Variants in ADAM12 observed in about 807,000 individuals in gnomAD.
ADAM12 encodes the protein ADAM metallopeptidase domain 12, also known as disintegrin and metalloproteinase domain-containing protein 12.
ADAM12 carries 70 observed loss-of-function variants against 106.4 expected under a neutral mutation model. That is an observed-to-expected ratio of 0.66 (90% CI 0.54 to 0.80). The LOEUF (loss-of-function observed/expected upper bound fraction) is 0.80, where lower values mean the gene tolerates loss of function less well. Among genes scored for constraint, ADAM12 ranks in the 30% least tolerant of loss-of-function variants. ADAM12 has a pLI of 0.00. For missense variants in ADAM12, 1,010 were observed against 1,171.9 expected, an observed-to-expected ratio of 0.86 and a Z score of 2.02; for synonymous variants, 420 against 433.5, an observed-to-expected ratio of 0.97 and a Z score of 0.39.
chr10:126,161,907 A>G (rs1436138500), intron 3 of ADAM12, among the ~76,000 whole-genome samples: 3 of 152,150 alleles, frequency 2.0e-5, no homozygotes, highest in Non-Finnish European at 4.4e-5. Flanking sequence ...ATTTCATGAG[A>G]ACATTCTTTT....
intron 18 of ADAM12, chr10:126,041,416 T>C (rs1237126160): frequency 1.0e-6 from 1 of 985,624 alleles, no homozygotes; most frequent in Non-Finnish European, 1.2e-6. Flanking sequence ...TTGTTTTCAC[T>C]TTTTAACATT....
chr10:126,240,641 G>A (rs190996641), intron 3 of ADAM12, among the ~76,000 whole-genome samples: 82 of 152,356 alleles, frequency 5.4e-4, no homozygotes, highest in African/African-American at 1.8e-3. Flanking sequence ...GCTGGAGCTG[G>A]AGGCAGAGAC....
At chr10:126,112,569 A>G (rs1955890966) in intron 6 of ADAM12, among the ~76,000 whole-genome samples, 1 of 152,110 alleles carries the variant, frequency 6.6e-6, no homozygotes, top group African/African-American at 2.4e-5. Flanking sequence ...AAGTCATCAC[A>G]GCCAAGTTCC....
chr10:126,247,392 G>T (rs565888868), intron 3 of ADAM12, among the ~76,000 whole-genome samples: 2 of 152,264 alleles, frequency 1.3e-5, no homozygotes, highest in Non-Finnish European at 1.5e-5. Flanking sequence ...AACCAGCAAC[G>T]AGGCAAACTT....
At position 126,143,396 on chromosome 10, in the gene ADAM12, G is replaced by A. The variant is rs1007363072; in HGVS notation, c.340-7736C>T. 2.2e-5 allele frequency among the ~76,000 whole-genome samples: 3 copies of A among 139,100 alleles called. No individual in the cohort carries two copies. The Admixed American group carries it at 2.2e-4, about 10-fold the overall frequency. 91.3% of individuals were successfully genotyped at this position (139,100 alleles called of 152,430 possible). ...ATGCTGTGCGTGTGTGTATATGTTT[G>A]TATATGGTGTGCAGATGTGTGAATG... On this transcript the variant is annotated intron_variant, in intron 4 of 22. Coordinates refer to ENST00000448723, the MANE Select transcript of ADAM12 (RefSeq NM_001288973.2).
chr10:126,030,268 A>C (rs10901520), intron 21 of ADAM12, among the ~76,000 whole-genome samples: 52,991 of 152,090 alleles, frequency 0.35, 9,648 homozygotes, highest in South Asian at 0.45. Flanking sequence ...ATGGGTAGAT[A>C]GGGTTTCACT....
chr10:126,130,145 TTTTC>T (rs1346011831), intron 5 of ADAM12, among the ~76,000 whole-genome samples: 3 of 151,988 alleles, frequency 2.0e-5, no homozygotes, highest in African/African-American at 7.3e-5. Context: ...TTAATCCCCA[TTTTC>T]TTTCTTAACA....
intron 6 of ADAM12, among the ~76,000 whole-genome samples, chr10:126,113,435 G>A (rs867243606): frequency 1.5e-4 from 23 of 151,572 alleles, no homozygotes; most frequent in African/African-American, 3.9e-4. Context: ...TGAGGTGGGC[G>A]AATCCCTCGC....
intron 9 of ADAM12, among the ~76,000 whole-genome samples, 177 bp from the exon 10 acceptor site, chr10:126,098,677 G>A (rs116173744): frequency 0.046 from 6,950 of 152,110 alleles, 551 homozygotes; most frequent in African/African-American, 0.16. Context: ...TTCTGCAGTT[G>A]CGTCATGGTT....
intron 4 of ADAM12, among the ~76,000 whole-genome samples, chr10:126,141,963 C>T (rs957329856): frequency 6.6e-6 from 1 of 152,126 alleles, no homozygotes; most frequent in Admixed American, 6.5e-5. Context: ...TTTAGCCAGC[C>T]CCTTCCCTGA....
chr10:126,248,859 T>C (rs894645717), intron 3 of ADAM12, among the ~76,000 whole-genome samples: 2 of 151,806 alleles, frequency 1.3e-5, no homozygotes, highest in Admixed American at 6.6e-5. Flanking sequence ...ACAGGCGCCA[T>C]CGTACCTGGC....
chr10:126,295,229 T>C (rs1960316045), intron 2 of ADAM12, among the ~76,000 whole-genome samples: 1 of 152,148 alleles, frequency 6.6e-6, no homozygotes, highest in Admixed American at 6.6e-5. Flanking sequence ...ACTTACTAGC[T>C]GTGTGATGCT....
At chr10:126,257,214 T>G (rs1449257263) in intron 3 of ADAM12, among the ~76,000 whole-genome samples, 1 of 152,074 alleles carries the variant, frequency 6.6e-6, no homozygotes, top group Non-Finnish European at 1.5e-5. Context: ...ACAGTTACCC[T>G]CCAAAGACAG....
At chr10:126,226,112 A>G (rs1288189009) in intron 3 of ADAM12, among the ~76,000 whole-genome samples, 1 of 146,610 alleles carries the variant, frequency 6.8e-6, no homozygotes, top group Non-Finnish European at 1.5e-5. Flanking sequence ...CTCTAGGCAC[A>G]TGGTACAGAT....
chr10:126,370,871 T>C (rs1404056959), intron 1 of ADAM12, among the ~76,000 whole-genome samples: 1 of 152,186 alleles, frequency 6.6e-6, no homozygotes, highest in Admixed American at 6.5e-5. Flanking sequence ...CTCTATGCCT[T>C]AGTTTCTTCA....
chr10:126,165,576 T>C (rs972021367), intron 3 of ADAM12, among the ~76,000 whole-genome samples: 6 of 152,194 alleles, frequency 3.9e-5, no homozygotes, highest in Non-Finnish European at 7.3e-5. Context: ...TTAAGTGACT[T>C]GTCCAAAGCC....
Position 126,108,619 on chromosome 10 carries a change from T to A in ADAM12, c.715A>T (p.Ile239Leu), listed in dbSNP as rs1196398009. 2 of 1,614,168 alleles carry A rather than the reference T, an allele frequency of 1.2e-6. No homozygotes were observed. Among genetic ancestry groups the A allele is most frequent in the Admixed American group, 3.3e-5 (2 of 60,032 alleles). ...KDLEKVKQRL[I>L]EIANHVDKFY... ...TTGTCAACGTGATTAGCAATCTCTA[T>A]TAATCGCTGCTTAACTTTTTCCAGA... Residue 239 changes from isoleucine to leucine, a missense_variant, in exon 8 of 23, where the codon ATA becomes TTA. Ile to Leu is a conservative substitution (Grantham distance 5). Transcript: ENST00000448723.
intron 12 of ADAM12, among the ~76,000 whole-genome samples, chr10:126,070,788 G>T (rs1305222931): frequency 6.6e-6 from 1 of 152,128 alleles, no homozygotes; most frequent in African/African-American, 2.4e-5. Context: ...TTACTAGGAG[G>T]TCTCATGCTG....
intron 1 of ADAM12, among the ~76,000 whole-genome samples, chr10:126,342,669 G>A (rs1854970322): frequency 6.6e-6 from 1 of 152,142 alleles, no homozygotes; most frequent in Non-Finnish European, 1.5e-5. Flanking sequence ...AAGAGAACTG[G>A]TCCAATCCAG....
Sources: gnomAD v4.1 joint callset for allele counts (sites outside exome capture counted in the v4.1 genomes callset) on GRCh38, gnomAD v4.1.1 for gene constraint, MANE v1.5 for transcripts, NCBI Gene and HGNC (gene_info 2026-07-23, HGNC 2026-07-21) for gene names.